The following SH3GL2 variants were observed in gnomAD, a reference collection of about 807,000 sequenced individuals.
SH3GL2 encodes endophilin-A1.
Under a neutral mutation model 46.0 loss-of-function variants are expected in SH3GL2, and 24 were observed. The observed-to-expected ratio is 0.52, with a 90% CI of 0.38 to 0.73. The LOEUF (loss-of-function observed/expected upper bound fraction) is 0.73, where lower values mean the gene tolerates loss of function less well. Among genes scored for constraint, SH3GL2 ranks in the 30% least tolerant of loss-of-function variants. SH3GL2 has a pLI of 0.00. For missense variants in SH3GL2, 413 were observed against 424.2 expected, an observed-to-expected ratio of 0.97 and a Z score of 0.23; for synonymous variants, 196 against 147.1, an observed-to-expected ratio of 1.33 and a Z score of -2.40.
In SH3GL2 at chr9:17,682,960, T is replaced by TCATGCTTA. The variant is rs1480364974; in HGVS notation, c.46-64103_46-64096dup. Among the ~76,000 whole-genome samples the TCATGCTTA allele has an allele frequency of 5.9e-5, 9 of 152,080 alleles. No individual in the cohort carries two copies. The East Asian group carries it at 1.7e-3, about 30-fold the overall frequency. On this transcript the variant is annotated intron_variant, in intron 1 of 8. Transcript: ENST00000380607. ...GTAGAAAGCTCACAGAGTGTTGCCT[T>TCATGCTTA]CATGCTTACAATAGTAAAAAATCCA... is the stretch of plus-strand genomic sequence containing the variant.
intron 2 of SH3GL2, among the ~76,000 whole-genome samples, chr9:17,754,969 T>C (rs9407832): frequency 0.065 from 9,836 of 152,234 alleles, 729 homozygotes; most frequent in African/African-American, 0.19. Context: ...TACTTGGATG[T>C]GCTTTATTTC....
intron 1 of SH3GL2, among the ~76,000 whole-genome samples, chr9:17,582,027 C>T (rs1818286832): frequency 6.6e-6 from 1 of 152,096 alleles, no homozygotes; most frequent in Non-Finnish European, 1.5e-5. Context: ...GCAAACGTTT[C>T]TTTCTATGGA....
At chr9:17,610,287 A>C (rs994236832) in intron 1 of SH3GL2, among the ~76,000 whole-genome samples, 2 of 152,220 alleles carry the variant, frequency 1.3e-5, no homozygotes, top group African/African-American at 4.8e-5. Flanking sequence ...TGTGATAACA[A>C]ATGAACTTCC....
rs960509673 is a variant in SH3GL2 at position 17,750,607 on chromosome 9, G to C, written c.114+3473G>C. Among the ~76,000 whole-genome samples the C allele has an allele frequency of 4.6e-5, 7 of 152,132 alleles. No homozygotes were observed. The South Asian group carries it at 1.2e-3, about 27-fold the overall frequency. On this transcript the variant is annotated intron_variant, in intron 2 of 8. Coordinates refer to ENST00000380607, the MANE Select transcript of SH3GL2 (RefSeq NM_003026.5). ...TTTGTTTTCATTTTAAATGCTGTCT[G>C]TTGCTTACAAGCTTTGTTAAACACA... is the stretch of plus-strand genomic sequence containing the variant.
chr9:17,699,002 A>G (rs538846875), intron 1 of SH3GL2, among the ~76,000 whole-genome samples: 1 of 152,102 alleles, frequency 6.6e-6, no homozygotes, highest in African/African-American at 2.4e-5. Flanking sequence ...TAAAATACAA[A>G]AAACTAGCCA....
At chr9:17,589,255 C>T (rs1392344608) in intron 1 of SH3GL2, 1 of 152,224 alleles carries the variant, frequency 6.6e-6, no homozygotes, top group Non-Finnish European at 1.5e-5. Context: ...AGCCTCAATC[C>T]TCTGAGCCCA....
In SH3GL2 at chr9:17,783,456, TAACTC is replaced by T. The variant is rs985638451; in HGVS notation, c.188-2923_188-2919del. On this transcript the variant is annotated intron_variant, in intron 3 of 8. Transcript: ENST00000380607. ...ACACTGCTTTTAGGTCAGAGGAAAA[TAACTC>T]AGGCAGGGCTAGCAGAGCTTCCATT... Among the ~76,000 whole-genome samples, 97 of 151,330 alleles carry T rather than the reference TAACTC, an allele frequency of 6.4e-4. 1 individual carries two copies. In the Middle Eastern group the frequency reaches 0.014, roughly 21 times the overall value.
chr9:17,671,443 CAAT>C (rs1217763917), intron 1 of SH3GL2, among the ~76,000 whole-genome samples: 2 of 152,052 alleles, frequency 1.3e-5, no homozygotes, highest in African/African-American at 4.8e-5. Context: ...TGACTGTAGT[CAAT>C]AATAACTTAA....
intron 1 of SH3GL2, among the ~76,000 whole-genome samples, chr9:17,605,800 G>A (rs992337445): frequency 6.6e-6 from 1 of 152,078 alleles, no homozygotes; most frequent in Non-Finnish European, 1.5e-5. Context: ...TCAATATTGT[G>A]GACATTCAAA....
chr9:17,761,645 T>G, intron 3 of SH3GL2, 136 bp downstream of exon 3: 1 of 758,896 alleles, frequency 1.3e-6, no homozygotes, highest in Non-Finnish European at 2.4e-6. Flanking sequence ...GTTAGCGACT[T>G]CATGGATAGC....
intron 1 of SH3GL2, among the ~76,000 whole-genome samples, chr9:17,689,576 T>C (rs948162068): frequency 6.6e-6 from 1 of 152,060 alleles, no homozygotes; most frequent in African/African-American, 2.4e-5. Context: ...CTTTCATCTC[T>C]CTTTAATTGC....
chr9:17,694,846 G>T (rs1821165260), intron 1 of SH3GL2, among the ~76,000 whole-genome samples: 1 of 152,140 alleles, frequency 6.6e-6, no homozygotes, highest in Admixed American at 6.5e-5. Flanking sequence ...TTCACAAGTG[G>T]GGGCTTACAG....
chr9:17,645,159 T>TTTTTTTTTTTTTTTTTTTTTTTTTTTG (rs1819779869), intron 1 of SH3GL2, among the ~76,000 whole-genome samples: 1 of 56,646 alleles, frequency 1.8e-5, no homozygotes, highest in Non-Finnish European at 3.3e-5. Context: ...TGCTTTTTTT[T>TTTTTTTTTTTTTTTTTTTTTTTTTTTG]TTTTTTTTTT....
chr9:17,602,125 G>T (rs537924566), intron 1 of SH3GL2, among the ~76,000 whole-genome samples: 7 of 152,288 alleles, frequency 4.6e-5, no homozygotes, highest in African/African-American at 1.7e-4. Flanking sequence ...AAGAAGAAAA[G>T]ACTGAAGAGT....
chr9:17,580,027 A>G (rs942878673), intron 1 of SH3GL2, among the ~76,000 whole-genome samples: 6 of 152,172 alleles, frequency 3.9e-5, no homozygotes, highest in African/African-American at 1.4e-4. Flanking sequence ...GGATGTGCCC[A>G]TTTTTCTTTA....
At position 17,766,263 on chromosome 9, in the gene SH3GL2, G is replaced by A. The variant is rs148749412; in HGVS notation, c.187+4754G>A. On this transcript the variant is annotated intron_variant, in intron 3 of 8. Transcript: ENST00000380607. ...GTCTGCCCTGTGAGGGTGGGCTTTC[G>A]AGAACGCAGGACAGACAGCTGTAAA... is the stretch of plus-strand genomic sequence containing the variant. 7.2e-5 allele frequency among the ~76,000 whole-genome samples: 11 copies of A among 152,330 alleles called. 1 individual carries two copies. The highest frequency in any genetic ancestry group is 2.6e-4 in the African/African-American group (11 of 41,580).
intron 1 of SH3GL2, among the ~76,000 whole-genome samples, chr9:17,671,985 A>G (rs1588223197): frequency 1.3e-5 from 2 of 152,300 alleles, no homozygotes; most frequent in South Asian, 4.1e-4. Context: ...AATTAATTCT[A>G]TTTAAGTCAG....
At chr9:17,669,376 T>G (rs1024420028) in intron 1 of SH3GL2, among the ~76,000 whole-genome samples, 3 of 152,174 alleles carry the variant, frequency 2.0e-5, no homozygotes, top group South Asian at 2.1e-4. Flanking sequence ...ATAGAGCAGT[T>G]TCATCACTGC....
chr9:17,709,393 A>G (rs919729705), intron 1 of SH3GL2, among the ~76,000 whole-genome samples: 1 of 151,958 alleles, frequency 6.6e-6, no homozygotes, highest in African/African-American at 2.4e-5. Flanking sequence ...TAGCAAGTCC[A>G]TGAAACCAAA....
Sources: gnomAD v4.1 joint callset for allele counts (sites outside exome capture counted in the v4.1 genomes callset) on GRCh38, gnomAD v4.1.1 for gene constraint, MANE v1.5 for transcripts, NCBI Gene and HGNC (gene_info 2026-07-23, HGNC 2026-07-21) for gene names.